TMOD3: variants seen among roughly 807,000 people sequenced by gnomAD.
The protein encoded by TMOD3 is tropomodulin 3.
In TMOD3, 20 loss-of-function variants were observed where a neutral mutation model predicts 39.2. That is an observed-to-expected ratio of 0.51 (90% confidence interval 0.36 to 0.74). The LOEUF (loss-of-function observed/expected upper bound fraction) is 0.74, where lower values mean the gene tolerates loss of function less well. Ranked by LOEUF, TMOD3 falls within the 30% of genes least tolerant of loss-of-function variation. The probability of loss-of-function intolerance (pLI) is 0.00; values close to 1 mark genes in which losing one functional copy is unlikely to be tolerated. For synonymous variants in TMOD3, 143 were observed against 145.8 expected, an observed-to-expected ratio of 0.98 and a Z score of 0.14; for missense variants, 381 against 412.8, an observed-to-expected ratio of 0.92 and a Z score of 0.67.
chr15:51,895,322 C>G (rs1242305766), intron 6 of TMOD3, among the ~76,000 whole-genome samples: 1 of 151,386 alleles, frequency 6.6e-6, no homozygotes, highest in African/African-American at 2.4e-5. Flanking sequence ...CAGGTTCAAG[C>G]AATTCTTGTG....
chr15:51,830,957 T>A (rs2056252062), intron 1 of TMOD3, among the ~76,000 whole-genome samples: 1 of 152,216 alleles, frequency 6.6e-6, no homozygotes, highest in Non-Finnish European at 1.5e-5. Flanking sequence ...AATGTCCCAA[T>A]ATATTTTAAT....
At chr15:51,865,577 T>G (rs1279434944) in intron 2 of TMOD3, among the ~76,000 whole-genome samples, 1 of 152,198 alleles carries the variant, frequency 6.6e-6, no homozygotes, top group Non-Finnish European at 1.5e-5. Flanking sequence ...TGAATGTATT[T>G]TGCAAACTCC....
chr15:51,862,924 G>T lies in TMOD3; in HGVS notation c.40G>T (p.Asp14Tyr). Residue 14 changes from aspartate to tyrosine, a missense_variant, in exon 2 of 10, where the codon GAC (aspartate) becomes TAC (tyrosine). Asp to Tyr is a radical substitution (Grantham distance 160). Coordinates refer to ENST00000308580, the MANE Select transcript of TMOD3 (RefSeq NM_014547.5). ...PFRKDLEKYK[D>Y]LDEDELLGNL... ...CCGTAAGGACTTAGAAAAGTACAAA[G>T]ACCTTGATGAAGATGAGCTCCTTGG... 1 of 1,614,028 alleles carries T rather than the reference G, an allele frequency of 6.2e-7. No individual in the cohort carries two copies. Among genetic ancestry groups the T allele is most frequent in the South Asian group, 1.1e-5 (1 of 91,056 alleles).
At chr15:51,843,087 A>G (rs1449692141) in intron 1 of TMOD3, among the ~76,000 whole-genome samples, 1 of 152,200 alleles carries the variant, frequency 6.6e-6, no homozygotes, top group African/African-American at 2.4e-5. Context: ...GCTAGATGGT[A>G]TGCCATACCT....
chr15:51,873,667 T>C (rs2056487322), intron 3 of TMOD3, among the ~76,000 whole-genome samples: 2 of 152,142 alleles, frequency 1.3e-5, no homozygotes, highest in South Asian at 4.1e-4. Flanking sequence ...TGAGCTCTCA[T>C]CGTAAATTAA....
At chr15:51,861,125 A>G (rs900111337) in intron 1 of TMOD3, 1 of 522,766 alleles carries the variant, frequency 1.9e-6, no homozygotes, top group Admixed American at 2.3e-5. Context: ...GTTGAACATA[A>G]TTGATAAAGT....
intron 1 of TMOD3, among the ~76,000 whole-genome samples, chr15:51,841,804 CTGTCA>C (rs2056313927): frequency 1.3e-5 from 2 of 152,176 alleles, no homozygotes; most frequent in Non-Finnish European, 2.9e-5. Context: ...GAGTCTCATT[CTGTCA>C]CACAGGCTGG....
chr15:51,897,837 G>A (rs2056629517), intron 7 of TMOD3, among the ~76,000 whole-genome samples: 1 of 146,940 alleles, frequency 6.8e-6, no homozygotes, highest in Admixed American at 6.8e-5. Context: ...TCCCTTTCTT[G>A]CAACTTAAAC....
In TMOD3 at chr15:51,896,411, C is replaced by CT; in HGVS notation, c.628-5dup. On this transcript the variant is annotated splice_region_variant and splice_polypyrimidine_tract_variant and intron_variant, in intron 6 of 9. Transcript: ENST00000308580. ...ATGTAATGATGTTTTATGTTATTGT[C>CT]TTTCAAGAATATCCCAATTCCAACC... 6.4e-7 allele frequency: 1 copy of CT among 1,573,572 alleles called. No individual in the cohort carries two copies. Among genetic ancestry groups the CT allele is most frequent in the Non-Finnish European group, 8.7e-7 (1 of 1,146,762 alleles).
At chr15:51,864,233 T>C (rs1267333143) in intron 2 of TMOD3, among the ~76,000 whole-genome samples, 2 of 135,256 alleles carry the variant, frequency 1.5e-5, no homozygotes, top group African/African-American at 2.9e-5. Flanking sequence ...ACCACTGTAC[T>C]CCAGCTTGGG....
In TMOD3 at chr15:51,913,465, AAC is replaced by A. The variant is rs2056720931; in HGVS notation, c.*4658_*4659del. The A allele has an allele frequency of 6.6e-6, 1 of 152,170 alleles. No homozygotes were observed. The highest frequency in any genetic ancestry group is 1.5e-5 in the Non-Finnish European group (1 of 68,024). 9.4% of individuals were successfully genotyped at this position (152,170 alleles called of 1,614,324 possible). A position where few individuals can be genotyped will look rare whatever the true frequency, so the allele number is the denominator to read the frequency against. ...AAATCCAAAATAATTTGAAATCTGA[AAC>A]ACTTAATGGTCCCAGCATGTTGGAT... On this transcript the variant is annotated 3_prime_UTR_variant, in exon 10 of 10. Transcript: ENST00000308580.
chr15:51,895,675 G>T (rs2056617102), intron 6 of TMOD3, among the ~76,000 whole-genome samples: 1 of 152,122 alleles, frequency 6.6e-6, no homozygotes, highest in Non-Finnish European at 1.5e-5. Context: ...GTAGTGTAGG[G>T]TTAATCTCTC....
chr15:51,891,977 A>G (rs1013382733), intron 5 of TMOD3, among the ~76,000 whole-genome samples: 1 of 152,196 alleles, frequency 6.6e-6, no homozygotes, highest in South Asian at 2.1e-4. Flanking sequence ...ACTTCTTTTA[A>G]TAGGTACTTC....
chr15:51,847,222 T>A (rs2056340430), intron 1 of TMOD3, among the ~76,000 whole-genome samples: 1 of 152,236 alleles, frequency 6.6e-6, no homozygotes, highest in Non-Finnish European at 1.5e-5. Context: ...ACTTTCTACT[T>A]TAAGGTAGTC....
At position 51,901,872 on chromosome 15, in the gene TMOD3, T is replaced by C; in HGVS notation, c.880-20T>C. 6.2e-7 allele frequency: 1 copy of C among 1,605,362 alleles called. No individual in the cohort carries two copies. Among genetic ancestry groups the C allele is most frequent in the South Asian group, 1.1e-5 (1 of 89,884 alleles). On this transcript the variant is annotated intron_variant, in intron 8 of 9. Transcript: ENST00000308580. ...TTGATCTAGTTTATTAATATTGTTC[T>C]TTTTTTCTAATTACTCCAGAGGCAG...
intron 9 of TMOD3, among the ~76,000 whole-genome samples, chr15:51,906,192 A>G (rs1026903269): frequency 6.6e-6 from 1 of 152,118 alleles, no homozygotes; most frequent in Non-Finnish European, 1.5e-5. Context: ...TTTCAGCTGT[A>G]TACTCTGACC....
At chr15:51,864,858 G>A (rs928639683) in intron 2 of TMOD3, among the ~76,000 whole-genome samples, 18 of 152,136 alleles carry the variant, frequency 1.2e-4, no homozygotes, top group African/African-American at 3.6e-4. Flanking sequence ...GTTGGTTTGC[G>A]TATGAAAGGT....
At chr15:51,886,551 A>G (rs548668337) in intron 3 of TMOD3, among the ~76,000 whole-genome samples, 26 of 152,338 alleles carry the variant, frequency 1.7e-4, no homozygotes, top group South Asian at 1.4e-3. Flanking sequence ...CCGCATTCCC[A>G]GGCACTGGGC....
chr15:51,836,322 A>C (rs1595888662), intron 1 of TMOD3, among the ~76,000 whole-genome samples: 1 of 151,798 alleles, frequency 6.6e-6, no homozygotes, highest in African/African-American at 2.4e-5. Flanking sequence ...GGTCTCCCCC[A>C]CCCAGCCCTA....
Sources: gnomAD v4.1 joint callset for allele counts (sites outside exome capture counted in the v4.1 genomes callset) on GRCh38, gnomAD v4.1.1 for gene constraint, MANE v1.5 for transcripts, NCBI Gene and HGNC (gene_info 2026-07-23, HGNC 2026-07-21) for gene names.